The following RPGR variants were observed in gnomAD, a reference collection of about 807,000 sequenced individuals.
RPGR encodes retinitis pigmentosa GTPase regulator, also known as X-linked retinitis pigmentosa GTPase regulator.
In RPGR, 10 loss-of-function variants were observed where a neutral mutation model predicts 56.3. The observed-to-expected ratio is 0.18, with a 90% CI of 0.11 to 0.30. The LOEUF (loss-of-function observed/expected upper bound fraction) is 0.30. Among genes scored for constraint, RPGR ranks in the 10% least tolerant of loss-of-function variants. The probability of loss-of-function intolerance (pLI) is 1.00; values close to 1 mark genes in which losing one functional copy is unlikely to be tolerated. For synonymous variants in RPGR, 197 were observed against 212.9 expected (o/e 0.93, Z 0.65); for missense variants, 538 against 590.9 (o/e 0.91, Z 0.93).
chrX:38,272,972 A>C (rs1424352021), intron 18 of RPGR, among the ~76,000 whole-genome samples: 3 of 112,246 alleles, frequency 2.7e-5, no homozygotes. Context: ...TGATGTTAAA[A>C]AATTTTAAAT....
intron 4 of RPGR, 137 bp from the exon 5 acceptor site, chrX:38,319,124 C>T (rs1003106894): frequency 4.8e-6 from 3 of 630,717 alleles, no homozygotes; most frequent in African/African-American, 2.2e-5. Flanking sequence ...TGGGAGACAA[C>T]TTCATTTCAT....
intron 13 of RPGR, 23 bp downstream of exon 13, chrX:38,290,936 G>A (rs372714143): frequency 1.0e-5 from 9 of 859,379 alleles, no homozygotes; most frequent in Middle Eastern, 5.8e-4. Context: ...CAACAATAAC[G>A]AAAATAAATC....
intron 8 of RPGR, among the ~76,000 whole-genome samples, 197 bp from the exon 9 acceptor site, chrX:38,301,568 G>C (rs374108659): frequency 9.0e-5 from 10 of 111,005 alleles, no homozygotes; most frequent in African/African-American, 3.0e-4. Context: ...TAAATATTCT[G>C]AGAATAAATC....
chrX:38,321,418 C>G (rs112833805), intron 3 of RPGR, among the ~76,000 whole-genome samples: 3 of 111,370 alleles, frequency 2.7e-5, no homozygotes, highest in African/African-American at 9.8e-5. Context: ...TTTGGGAGGC[C>G]AGGACAGGCA....
At chrX:38,287,606 G>A in intron 14 of RPGR, 1 of 509,425 alleles carries the variant, frequency 2.0e-6, no homozygotes, top group Non-Finnish European at 3.5e-6. Context: ...CCAAAGAAAG[G>A]ACTCATCTTT....
At chrX:38,309,518 T>C (rs969046576) in intron 7 of RPGR, among the ~76,000 whole-genome samples, 1 of 112,642 alleles carries the variant, frequency 8.9e-6, no homozygotes, top group African/African-American at 3.2e-5. Flanking sequence ...AATAATGTAA[T>C]ATGTTGCCAT....
In RPGR at chrX:38,287,124, G is replaced by C; in HGVS notation, c.1875C>G (p.Ile625Met). 8.3e-7 allele frequency: 1 copy of C among 1,210,679 alleles called. No individual in the cohort carries two copies. The highest frequency in any genetic ancestry group is 1.1e-6 in the Non-Finnish European group (1 of 895,352). The change falls in exon 15 of 19, where the codon ATC (isoleucine) becomes ATG (methionine). Residue 625 changes from isoleucine (I) to methionine (M), a missense_variant. Transcript: ENST00000642395. ...CTTTGTCTGTAAGGTCATCTGATAG[G>C]ATCTCTGTTTTCTCCTTTCTTCCTC...
At chrX:38,296,889 T>C (rs1339740517) in intron 11 of RPGR, among the ~76,000 whole-genome samples, 4 of 111,799 alleles carry the variant, frequency 3.6e-5, no homozygotes, top group African/African-American at 1.3e-4. Context: ...ATTCAAATTC[T>C]GACCACTTCG....
intron 6 of RPGR, 175 bp downstream of exon 6, chrX:38,317,141 G>C: frequency 1.3e-5 from 6 of 455,134 alleles, no homozygotes; most frequent in Non-Finnish European, 2.3e-5. Context: ...TTGAAATTAT[G>C]AACTCTTATT....
At chrX:38,278,532 C>T (rs998832469) in intron 15 of RPGR, among the ~76,000 whole-genome samples, 4 of 112,541 alleles carry the variant, frequency 3.6e-5, no homozygotes, top group Admixed American at 1.9e-4. Context: ...TGAGCCACCA[C>T]GCCCAGCCTG....
intron 15 of RPGR, among the ~76,000 whole-genome samples, chrX:38,283,161 C>A (rs1180822883): frequency 9.0e-6 from 1 of 111,053 alleles, no homozygotes; most frequent in African/African-American, 3.3e-5. Flanking sequence ...ACCCCTAACC[C>A]ACAATACACT....
chrX:38,325,074 G>A (rs1295915162), intron 1 of RPGR, among the ~76,000 whole-genome samples: 1 of 105,361 alleles, frequency 9.5e-6, no homozygotes, highest in Non-Finnish European at 1.9e-5. Flanking sequence ...GGGGGCTGAG[G>A]CAGGACAATT....
Position 38,310,756 on chromosome X carries a change from C to T in RPGR, c.637G>A (p.Val213Met), listed in dbSNP as rs775660295. The change falls in exon 7 of 19, where the codon GTG (valine) becomes ATG (methionine). Residue 213 changes from valine to methionine, a missense_variant. By Grantham distance (21) the Val-to-Met change is conservative. Transcript: ENST00000642395. The stretch of plus-strand genomic sequence containing the variant: ...TTCCCATTCTCAGGTTCTCCAAACA[C>T]ATATAGCTCACCATCTGCTATTGAA... 1.7e-6 allele frequency: 2 copies of T among 1,210,649 alleles called. No individual in the cohort carries two copies. The highest frequency in any genetic ancestry group is 2.2e-6 in the Non-Finnish European group (2 of 894,892).
At position 38,327,189 on chromosome X, in the gene RPGR, A is replaced by AAG. The variant is rs955306858; in HGVS notation, c.28+150_28+151insCT. 5.9e-6 allele frequency: 3 copies of AAG among 510,105 alleles called. No homozygotes were observed. In the African/African-American group the frequency reaches 7.4e-5, roughly 13 times the overall value. The allele number at this position is 510,105 out of a possible 1,213,427, so 42.0% of individuals were successfully genotyped here. On this transcript the variant is annotated intron_variant, in intron 1 of 18. Transcript: ENST00000642395. ...TCTTCCCGTCCGGTCCTCTGCCCTC[A>AAG]GTCATTCGCGGGAGCGCAACCAGCG...
chrX:38,270,229 G>A (rs1424050098), intron 18 of RPGR, among the ~76,000 whole-genome samples: 3 of 110,870 alleles, frequency 2.7e-5, no homozygotes, highest in Non-Finnish European at 5.7e-5. Context: ...GATTCTCAGT[G>A]TATCGCAGCT....
chrX:38,278,931 T>A (rs957329077), intron 15 of RPGR, among the ~76,000 whole-genome samples: 1 of 112,505 alleles, frequency 8.9e-6, no homozygotes. Flanking sequence ...GTGGGAGTTT[T>A]ACCTTATTTT....
chrX:38,320,494 A>G (rs1380186252), intron 4 of RPGR, among the ~76,000 whole-genome samples: 1 of 112,688 alleles, frequency 8.9e-6, no homozygotes, highest in Non-Finnish European at 1.9e-5. Context: ...CTTTTTGCCA[A>G]TACCTCAGTC....
Position 38,317,177 on chromosome X carries a change from T to C in RPGR, c.619+139A>G, listed in dbSNP as rs2067841701. 4 of 651,443 alleles carry C rather than the reference T, an allele frequency of 6.1e-6. No individual in the cohort carries two copies. In the South Asian group the frequency reaches 1.1e-4, roughly 18 times the overall value. The allele number at this position is 651,443 out of a possible 1,213,427, so 53.7% of individuals were successfully genotyped here. On this transcript the variant is annotated intron_variant, in intron 6 of 18. Coordinates refer to ENST00000642395, the MANE Select transcript of RPGR (RefSeq NM_000328.3). ...ATATAAATGGGGAAATACTGTGACC[T>C]AAAACAGACCAAAATAATTTCATTA...
intron 18 of RPGR, among the ~76,000 whole-genome samples, chrX:38,270,829 A>C (rs934626175): frequency 9.9e-5 from 11 of 110,561 alleles, no homozygotes; most frequent in Non-Finnish European, 5.7e-5. Context: ...ATATAAGAAA[A>C]GAGGCAAAAA....
Sources: allele counts gnomAD v4.1 joint callset (sites outside exome capture counted in the v4.1 genomes callset), GRCh38; gene constraint gnomAD v4.1.1; transcripts MANE v1.5; gene names NCBI Gene and HGNC (gene_info 2026-07-23, HGNC 2026-07-21).